The following TRPC4AP variants were observed in gnomAD, a reference collection of about 807,000 sequenced individuals.
TRPC4AP encodes short transient receptor potential channel 4-associated protein.
TRPC4AP carries 45 observed loss-of-function variants against 99.0 expected under a neutral mutation model. That is an observed-to-expected ratio of 0.45 (90% CI 0.36 to 0.58). The LOEUF (loss-of-function observed/expected upper bound fraction) is 0.58. Among genes scored for constraint, TRPC4AP ranks in the 20% least tolerant of loss-of-function variants. TRPC4AP has a pLI of 0.00. For synonymous variants in TRPC4AP, 408 were observed against 385.8 expected, an observed-to-expected ratio of 1.06 and a Z score of -0.67; for missense variants, 879 against 985.3, an observed-to-expected ratio of 0.89 and a Z score of 1.44.
chr20:35,091,693 G>C (rs1181147621), intron 1 of TRPC4AP, among the ~76,000 whole-genome samples: 1 of 152,132 alleles, frequency 6.6e-6, no homozygotes, highest in Non-Finnish European at 1.5e-5. Context: ...CTAAAGCAGT[G>C]TCCTTCGCTC....
rs1600515851 is a variant in TRPC4AP at position 35,015,878 on chromosome 20, G to C, written c.1350+130C>G. The C allele has an allele frequency of 1.8e-5, 21 of 1,158,034 alleles. No individual in the cohort carries two copies. The East Asian group carries it at 5.1e-4, about 28-fold the overall frequency. 71.7% of individuals were successfully genotyped at this position (1,158,034 alleles called of 1,614,324 possible). ...ACTCCAAGGTAGCTTCCAATTAGGG[G>C]ACTATAAGATATGATTTTAGTTTCT... is the stretch of plus-strand genomic sequence containing the variant. On this transcript the variant is annotated intron_variant, in intron 10 of 18. Coordinates refer to ENST00000252015, the MANE Select transcript of TRPC4AP (RefSeq NM_015638.3).
intron 1 of TRPC4AP, among the ~76,000 whole-genome samples, chr20:35,090,377 C>CTTTTTTTTTT (rs71196792): frequency 0.034 from 2,999 of 88,878 alleles, 557 homozygotes; most frequent in African/African-American, 0.13. Flanking sequence ...ATCTGGTGAG[C>CTTTTTTTTTT]TTTTTTTTTT....
intron 2 of TRPC4AP, among the ~76,000 whole-genome samples, chr20:35,071,633 T>C (rs533322660): frequency 8.5e-5 from 13 of 152,280 alleles, no homozygotes; most frequent in Middle Eastern, 3.4e-3. Context: ...TATGGCTGCA[T>C]AGTACTCCAT....
At chr20:35,043,045 A>G (rs2083475284) in intron 7 of TRPC4AP, among the ~76,000 whole-genome samples, 1 of 124,084 alleles carries the variant, frequency 8.1e-6, no homozygotes, top group African/African-American at 2.6e-5. Flanking sequence ...CAAAAACTAT[A>G]CCATATACAC....
intron 1 of TRPC4AP, among the ~76,000 whole-genome samples, chr20:35,081,647 T>C (rs758502576): frequency 6.6e-6 from 1 of 152,108 alleles, no homozygotes; most frequent in African/African-American, 2.4e-5. Context: ...TGTAAACATA[T>C]ACCAAAAGGT....
rs148781296 is a variant in TRPC4AP, at chr20:35,027,433, G to A, written c.1052-6077C>T. Among the ~76,000 whole-genome samples, 1,116 of 152,292 alleles carry A rather than the reference G, an allele frequency of 7.3e-3. 12 individuals are homozygous for A. The highest frequency in any genetic ancestry group is 0.024 in the African/African-American group (988 of 41,552). ...ATCCTTGTATGTTGCTATACTTGGT[G>A]TGCTAGTATTTTGTTGAAGATTTTT... On this transcript the variant is annotated intron_variant, in intron 8 of 18. Transcript: ENST00000252015.
chr20:35,062,954 G>C (rs2084045587), intron 3 of TRPC4AP, among the ~76,000 whole-genome samples: 1 of 152,224 alleles, frequency 6.6e-6, no homozygotes. Context: ...CGATTCTGTT[G>C]ATATGAAATA....
chr20:35,064,818 C>T (rs2084101863), intron 3 of TRPC4AP, among the ~76,000 whole-genome samples: 1 of 152,184 alleles, frequency 6.6e-6, no homozygotes, highest in African/African-American at 2.4e-5. Flanking sequence ...ATTACTATAA[C>T]TTTAACATTA....
chr20:35,025,776 A>C (rs1022600700), intron 8 of TRPC4AP, among the ~76,000 whole-genome samples: 3 of 152,106 alleles, frequency 2.0e-5, no homozygotes, highest in Non-Finnish European at 4.4e-5. Context: ...AAAAGTTTTA[A>C]TTTTGATGAA....
intron 8 of TRPC4AP, among the ~76,000 whole-genome samples, chr20:35,029,089 AAC>A (rs1314611125): frequency 6.6e-6 from 1 of 152,094 alleles, no homozygotes; most frequent in African/African-American, 2.4e-5. Context: ...CTCTACTAAA[AAC>A]ACACACAAAA....
chr20:35,085,950 A>G (rs1394918587), intron 1 of TRPC4AP, among the ~76,000 whole-genome samples: 1 of 152,082 alleles, frequency 6.6e-6, no homozygotes, highest in East Asian at 1.9e-4. Flanking sequence ...CTAATGCCTC[A>G]AAATACCACA....
chr20:35,049,420 A>G (rs2083643351), intron 6 of TRPC4AP, among the ~76,000 whole-genome samples: 2 of 152,208 alleles, frequency 1.3e-5, no homozygotes, highest in South Asian at 4.1e-4. Flanking sequence ...CATAAGTGAA[A>G]GCCAAACATT....
At chr20:35,022,551 G>A (rs1041497619) in intron 8 of TRPC4AP, among the ~76,000 whole-genome samples, 1 of 152,144 alleles carries the variant, frequency 6.6e-6, no homozygotes, top group African/African-American at 2.4e-5. Context: ...CATTTTAAAG[G>A]TGAACAGATG....
Position 35,035,193 on chromosome 20 carries a change from T to C in TRPC4AP, c.981A>G (p.Thr327=), listed in dbSNP as rs542612102. The C allele has an allele frequency of 1.4e-5, 22 of 1,614,122 alleles. No homozygotes were observed. The highest frequency in any genetic ancestry group is 1.6e-4 in the Middle Eastern group (1 of 6,062). The change falls in exon 8 of 19, where the codon ACA becomes ACG. Residue 327 remains threonine (T), a synonymous_variant. Transcript: ENST00000252015. ...CTAGCACCAAAGCATTGTCTAGCCATGTGTACCACTCTTCCAACTCCTGAA... is the reference window on the plus strand; with the variant it reads ...CTAGCACCAAAGCATTGTCTAGCCACGTGTACCACTCTTCCAACTCCTGAA... The part of the protein sequence containing the change: ...SFLQELEEWY[T]WLDNALVLDA...
chr20:35,071,052 G>A (rs1019852728), intron 2 of TRPC4AP, among the ~76,000 whole-genome samples: 3 of 152,082 alleles, frequency 2.0e-5, no homozygotes, highest in African/African-American at 7.2e-5. Flanking sequence ...TCTTTGAAAA[G>A]CATTTTTAAA....
intron 3 of TRPC4AP, among the ~76,000 whole-genome samples, chr20:35,060,173 G>A (rs1307216279): frequency 6.6e-5 from 10 of 152,056 alleles, no homozygotes; most frequent in South Asian, 2.1e-4. Flanking sequence ...TCTTTGAGGC[G>A]AGTATTACCC....
intron 1 of TRPC4AP, among the ~76,000 whole-genome samples, chr20:35,090,509 G>A (rs535069563): frequency 6.6e-6 from 1 of 151,346 alleles, no homozygotes; most frequent in Admixed American, 6.6e-5. Context: ...GAGTAGCTGG[G>A]ATTACAGGTG....
chr20:35,087,000 C>T (rs2084903489), intron 1 of TRPC4AP, among the ~76,000 whole-genome samples: 1 of 149,808 alleles, frequency 6.7e-6, no homozygotes, highest in Non-Finnish European at 1.5e-5. Context: ...GCACTGCACT[C>T]CAGCCTGGGC....
intron 2 of TRPC4AP, among the ~76,000 whole-genome samples, chr20:35,074,356 G>T (rs2084412983): frequency 6.6e-6 from 1 of 152,092 alleles, no homozygotes; most frequent in African/African-American, 2.4e-5. Context: ...TTTTAATTGT[G>T]ATGTTAGGGT....
Sources: allele counts gnomAD v4.1 joint callset (sites outside exome capture counted in the v4.1 genomes callset), GRCh38; gene constraint gnomAD v4.1.1; transcripts MANE v1.5; gene names NCBI Gene and HGNC (gene_info 2026-07-23, HGNC 2026-07-21).